The following MAPK10 variants were observed in gnomAD, a reference collection of about 807,000 sequenced individuals.
MAPK10 encodes mitogen-activated protein kinase 10, also known as JNK3 alpha protein kinase.
MAPK10 carries 25 observed loss-of-function variants against 59.3 expected under a neutral mutation model. That is an observed-to-expected ratio of 0.42 (90% confidence interval 0.31 to 0.59). The LOEUF is 0.59. MAPK10 is among the 20% of genes least tolerant of loss of function. MAPK10 has a pLI of 0.15. For synonymous variants in MAPK10, 190 were observed against 200.5 expected (o/e 0.95, Z 0.44); for missense variants, 351 against 568.9 (o/e 0.62, Z 3.90).
At chr4:86,031,143 A>G (rs1418035742) in intron 12 of MAPK10, among the ~76,000 whole-genome samples, 1 of 152,202 alleles carries the variant, frequency 6.6e-6, no homozygotes, top group Non-Finnish European at 1.5e-5. Context: ...GACAATCAGT[A>G]CCATTTTAAA....
At chr4:86,282,092 G>A (rs2094830981) in intron 2 of MAPK10, among the ~76,000 whole-genome samples, 1 of 152,136 alleles carries the variant, frequency 6.6e-6, no homozygotes, top group African/African-American at 2.4e-5. Flanking sequence ...AAGAACTCAG[G>A]AGAAATTTAT....
chr4:86,547,336 G>C (rs766652327), intron 1 of MAPK10, among the ~76,000 whole-genome samples: 2 of 152,216 alleles, frequency 1.3e-5, no homozygotes, highest in African/African-American at 2.4e-5. Flanking sequence ...GCGCTGGGGG[G>C]AACCAGGACT....
At chr4:86,305,044 C>G (rs902808380) in intron 2 of MAPK10, among the ~76,000 whole-genome samples, 2 of 152,098 alleles carry the variant, frequency 1.3e-5, no homozygotes, top group South Asian at 4.2e-4. Flanking sequence ...AATTAAAATA[C>G]TAGTAATACC....
chr4:86,401,410 T>C (rs1167245124), intron 1 of MAPK10, among the ~76,000 whole-genome samples: 2 of 152,190 alleles, frequency 1.3e-5, no homozygotes, highest in East Asian at 1.9e-4. Context: ...TTCGCTTCCA[T>C]TGAAAAGCAA....
In MAPK10 at chr4:86,301,389, T is replaced by C. The variant is rs142412687; in HGVS notation, c.-7+53141A>G. Among the ~76,000 whole-genome samples, 890 of 151,426 alleles carry C rather than the reference T, an allele frequency of 5.9e-3. 11 individuals are homozygous for C. Among genetic ancestry groups the C allele is most frequent in the African/African-American group, 0.021 (853 of 41,190 alleles). On this transcript the variant is annotated intron_variant, in intron 2 of 13. Transcript: ENST00000641462. ...AATGGCAAAAGATGCCACCAAAAGC[T>C]ATTATTAATGGATCCACTAGCTAGA...
intron 1 of MAPK10, among the ~76,000 whole-genome samples, chr4:86,584,699 C>G (rs1373965182): frequency 6.6e-6 from 1 of 152,160 alleles, no homozygotes; most frequent in Non-Finnish European, 1.5e-5. Context: ...TCCCACTTAG[C>G]CTCCCAAAGT....
At chr4:86,082,589 G>T (rs1334660650) in intron 9 of MAPK10, among the ~76,000 whole-genome samples, 3 of 152,130 alleles carry the variant, frequency 2.0e-5, no homozygotes, top group African/African-American at 7.2e-5. Context: ...AGGCCAGGAG[G>T]TTTTGCAAAA....
At chr4:86,225,160 G>A (rs2090391983) in intron 2 of MAPK10, among the ~76,000 whole-genome samples, 1 of 152,184 alleles carries the variant, frequency 6.6e-6, no homozygotes, top group Non-Finnish European at 1.5e-5. Flanking sequence ...ATCCGTGCTT[G>A]GAAGTTTGGC....
At chr4:86,540,344 C>A (rs529340992) in intron 1 of MAPK10, among the ~76,000 whole-genome samples, 4 of 151,866 alleles carry the variant, frequency 2.6e-5, no homozygotes, top group Admixed American at 1.3e-4. Context: ...ACGAAAAATA[C>A]AACAAATTAG....
intron 3 of MAPK10, among the ~76,000 whole-genome samples, chr4:86,173,160 C>T (rs186256564): frequency 1.3e-5 from 2 of 152,094 alleles, no homozygotes; most frequent in Admixed American, 6.6e-5. Context: ...CCCGTATAGC[C>T]AATACAATCC....
At chr4:86,176,565 G>A (rs1187633575) in intron 3 of MAPK10, among the ~76,000 whole-genome samples, 1 of 151,956 alleles carries the variant, frequency 6.6e-6, no homozygotes, top group Non-Finnish European at 1.5e-5. Flanking sequence ...CTGAACCTTA[G>A]GACCTTCAAA....
At chr4:86,061,371 T>C (rs1010005683) in intron 11 of MAPK10, among the ~76,000 whole-genome samples, 2 of 152,146 alleles carry the variant, frequency 1.3e-5, no homozygotes, top group Non-Finnish European at 2.9e-5. Flanking sequence ...AATCACACTT[T>C]GTTACTCTAA....
intron 1 of MAPK10, among the ~76,000 whole-genome samples, chr4:86,526,692 A>G (rs1757489878): frequency 6.6e-6 from 1 of 152,010 alleles, no homozygotes; most frequent in African/African-American, 2.4e-5. Context: ...TAACTTCTTA[A>G]TGTAGACATT....
chr4:86,083,181 C>T (rs946023310), intron 9 of MAPK10, among the ~76,000 whole-genome samples: 1 of 152,000 alleles, frequency 6.6e-6, no homozygotes. Context: ...CACCAATCAT[C>T]CCCCCTGAAA....
chr4:86,374,834 T>C (rs1739520817), intron 1 of MAPK10, among the ~76,000 whole-genome samples: 2 of 152,220 alleles, frequency 1.3e-5, no homozygotes. Flanking sequence ...ATATTGGTAG[T>C]AGTCTTTTCA....
intron 9 of MAPK10, among the ~76,000 whole-genome samples, chr4:86,097,771 A>G (rs1420982856): frequency 1.3e-5 from 2 of 152,106 alleles, no homozygotes; most frequent in Non-Finnish European, 2.9e-5. Context: ...GAAATGTATC[A>G]GTTCATTTGA....
chr4:86,338,058 G>A (rs1222867045), intron 2 of MAPK10, among the ~76,000 whole-genome samples: 1 of 152,108 alleles, frequency 6.6e-6, no homozygotes, highest in Non-Finnish European at 1.5e-5. Context: ...TTGCAGAGAA[G>A]TTGAGAATCT....
At chr4:86,158,291 A>G (rs2068452942) in intron 4 of MAPK10, among the ~76,000 whole-genome samples, 1 of 151,884 alleles carries the variant, frequency 6.6e-6, no homozygotes, top group Non-Finnish European at 1.5e-5. Flanking sequence ...AAAGGAACCC[A>G]GCCTGCCACC....
chr4:86,486,302 AACAT>A (rs766726233), intron 1 of MAPK10, among the ~76,000 whole-genome samples: 11 of 152,230 alleles, frequency 7.2e-5, no homozygotes, highest in South Asian at 4.2e-4. Context: ...CAATCTCTAA[AACAT>A]ACATACATAC....
Sources: allele counts gnomAD v4.1 joint callset (sites outside exome capture counted in the v4.1 genomes callset), GRCh38; gene constraint gnomAD v4.1.1; transcripts MANE v1.5; gene names NCBI Gene and HGNC (gene_info 2026-07-23, HGNC 2026-07-21).